Variants in ANKS1B observed in about 807,000 individuals in gnomAD.
The protein encoded by ANKS1B is ankyrin repeat and sterile alpha motif domain containing 1B, also known as ankyrin repeat and sterile alpha motif domain-containing protein 1B.
Under a neutral mutation model 148.3 loss-of-function variants are expected in ANKS1B, and 36 were observed. That is an observed-to-expected ratio of 0.24 (90% CI 0.19 to 0.32). The LOEUF (loss-of-function observed/expected upper bound fraction) is 0.32, where lower values mean the gene tolerates loss of function less well. Among genes scored for constraint, ANKS1B ranks in the 10% least tolerant of loss-of-function variants. The pLI is 1.00. For missense variants in ANKS1B, 1,157 were observed against 1,542.6 expected (o/e 0.75, Z 4.19); for synonymous variants, 542 against 560.8 (o/e 0.97, Z 0.47).
At chr12:99,113,526 G>A (rs1028023546) in intron 15 of ANKS1B, among the ~76,000 whole-genome samples, 1 of 152,220 alleles carries the variant, frequency 6.6e-6, no homozygotes, top group African/African-American at 2.4e-5. Flanking sequence ...CTTTTAAAGA[G>A]TGGACTAAAT....
At chr12:99,596,997 A>T (rs553962680) in intron 9 of ANKS1B, among the ~76,000 whole-genome samples, 1 of 151,960 alleles carries the variant, frequency 6.6e-6, no homozygotes, top group African/African-American at 2.4e-5. Flanking sequence ...TTACTTTTTA[A>T]GAAAACACAA....
intron 9 of ANKS1B, among the ~76,000 whole-genome samples, chr12:99,571,917 C>T (rs1450784415): frequency 1.3e-5 from 2 of 152,038 alleles, no homozygotes; most frequent in East Asian, 1.9e-4. Context: ...TCTGGACTAC[C>T]CCCCAAATAA....
At chr12:99,861,289 A>G (rs1236961467) in intron 1 of ANKS1B, among the ~76,000 whole-genome samples, 1 of 152,222 alleles carries the variant, frequency 6.6e-6, no homozygotes, top group Non-Finnish European at 1.5e-5. Flanking sequence ...TTTTAACACT[A>G]TTCTTTTCAT....
In ANKS1B at chr12:98,987,687, C is replaced by T. The variant is rs543548604; in HGVS notation, c.2778+65470G>A. On this transcript the variant is annotated intron_variant, in intron 17 of 26. Transcript: ENST00000683438. ...TGGATTATAATGATTGATTTGGGACCGGTCACAGAACTCAAACAAAGACTA... is the reference window on the plus strand; with the variant it reads ...TGGATTATAATGATTGATTTGGGACTGGTCACAGAACTCAAACAAAGACTA... 7.1e-4 allele frequency among the ~76,000 whole-genome samples: 107 copies of T among 151,260 alleles called. No individual in the cohort carries two copies. The South Asian group carries it at 8.6e-3, about 12-fold the overall frequency.
At chr12:99,083,463 C>T (rs2050546090) in intron 16 of ANKS1B, among the ~76,000 whole-genome samples, 1 of 152,142 alleles carries the variant, frequency 6.6e-6, no homozygotes, top group African/African-American at 2.4e-5. Flanking sequence ...CATGTCCATT[C>T]CCCAGTGCCT....
At chr12:99,931,168 A>G (rs2094603950) in intron 1 of ANKS1B, among the ~76,000 whole-genome samples, 1 of 152,194 alleles carries the variant, frequency 6.6e-6, no homozygotes, top group African/African-American at 2.4e-5. Flanking sequence ...AGGAAGGGGA[A>G]CATCACACAC....
chr12:99,511,607 C>T (rs957404418), intron 9 of ANKS1B, among the ~76,000 whole-genome samples: 9 of 151,984 alleles, frequency 5.9e-5, no homozygotes, highest in African/African-American at 2.2e-4. Context: ...ATAGCCAAGA[C>T]AATCCCAAGC....
At chr12:99,336,237 G>C (rs2088838104) in intron 12 of ANKS1B, among the ~76,000 whole-genome samples, 5 of 151,844 alleles carry the variant, frequency 3.3e-5, no homozygotes, top group Non-Finnish European at 7.4e-5. Flanking sequence ...TTTTCCTGTA[G>C]AGTTGTTTGA....
rs182626231 is a variant in ANKS1B, at chr12:99,161,265, A to G, written c.2420-6870T>C. 5.0e-4 allele frequency among the ~76,000 whole-genome samples: 76 copies of G among 152,296 alleles called. 1 individual carries two copies. Among genetic ancestry groups the G allele is most frequent in the African/African-American group, 1.7e-3 (72 of 41,570 alleles). On this transcript the variant is annotated intron_variant, in intron 14 of 26. Coordinates refer to ENST00000683438, the MANE Select transcript of ANKS1B (RefSeq NM_001352186.2). ...TTATCAAAATCAATGGAGGTTACAC[A>G]GTGGCTCATTCCTGTAATCCCAGCA...
chr12:99,567,563 T>C (rs778318478), intron 9 of ANKS1B, among the ~76,000 whole-genome samples: 3 of 152,002 alleles, frequency 2.0e-5, no homozygotes, highest in Non-Finnish European at 2.9e-5. Context: ...GGTTCAGAAG[T>C]AAAGAATCTT....
At chr12:99,698,503 G>C (rs995462526) in intron 8 of ANKS1B, among the ~76,000 whole-genome samples, 3 of 151,914 alleles carry the variant, frequency 2.0e-5, no homozygotes, top group African/African-American at 7.3e-5. Flanking sequence ...TGAAAGAAAG[G>C]AAATACAAAT....
chr12:99,289,425 T>C (rs2079596757), intron 12 of ANKS1B, among the ~76,000 whole-genome samples: 6 of 152,072 alleles, frequency 3.9e-5, no homozygotes, highest in Non-Finnish European at 1.5e-5. Flanking sequence ...ATGGACATCA[T>C]AGATATGTAC....
intron 8 of ANKS1B, among the ~76,000 whole-genome samples, chr12:99,738,978 C>G (rs1328869325): frequency 6.6e-6 from 1 of 152,058 alleles, no homozygotes; most frequent in Non-Finnish European, 1.5e-5. Context: ...ACTAAGTACT[C>G]TGTGGAATAT....
At chr12:99,786,683 A>G (rs1008334661) in intron 4 of ANKS1B, among the ~76,000 whole-genome samples, 1 of 152,228 alleles carries the variant, frequency 6.6e-6, no homozygotes, top group African/African-American at 2.4e-5. Flanking sequence ...TGTAGAATAA[A>G]GTGGTCCTGG....
At chr12:99,414,881 A>G (rs999399912) in intron 11 of ANKS1B, among the ~76,000 whole-genome samples, 1 of 152,242 alleles carries the variant, frequency 6.6e-6, no homozygotes, top group Non-Finnish European at 1.5e-5. Context: ...TAAAAGTGTT[A>G]AGTCTATCCC....
chr12:99,414,530 A>AGGGACATGGGACAT (rs71436955), intron 11 of ANKS1B, among the ~76,000 whole-genome samples: 1 of 151,772 alleles, frequency 6.6e-6, no homozygotes, highest in East Asian at 1.9e-4. Context: ...TGTCCTTTGC[A>AGGGACATGGGACAT]GGGACATGGA....
intron 25 of ANKS1B, among the ~76,000 whole-genome samples, chr12:98,762,925 C>A (rs1029288186): frequency 1.6e-4 from 24 of 152,288 alleles, no homozygotes; most frequent in African/African-American, 5.1e-4. Context: ...AAGGAAGTTG[C>A]CTGGTAGGTC....
intron 22 of ANKS1B, among the ~76,000 whole-genome samples, chr12:98,792,661 G>C (rs2098890606): frequency 6.6e-6 from 1 of 152,076 alleles, no homozygotes; most frequent in South Asian, 2.1e-4. Flanking sequence ...ACTTGTATGA[G>C]ATCAACTTTT....
At chr12:99,926,677 C>T (rs1173388707) in intron 1 of ANKS1B, among the ~76,000 whole-genome samples, 2 of 152,168 alleles carry the variant, frequency 1.3e-5, no homozygotes, top group African/African-American at 4.8e-5. Context: ...TAATAAATGC[C>T]TTTATATACA....
Sources: allele counts gnomAD v4.1 joint callset (sites outside exome capture counted in the v4.1 genomes callset), GRCh38; gene constraint gnomAD v4.1.1; transcripts MANE v1.5; gene names NCBI Gene and HGNC (gene_info 2026-07-23, HGNC 2026-07-21).